The following SUZ12 variants were observed in gnomAD, a reference collection of about 807,000 sequenced individuals.
The protein encoded by SUZ12 is SUZ12 polycomb repressive complex 2 subunit.
A neutral mutation model predicts 87.3 loss-of-function variants in SUZ12; 17 were observed. The ratio of observed to expected loss-of-function variants is 0.19; its 90% confidence interval spans 0.13 to 0.29. SUZ12 has a LOEUF of 0.29. Among genes scored for constraint, SUZ12 ranks in the 10% least tolerant of loss-of-function variants. The pLI, the probability that SUZ12 is intolerant of heterozygous loss-of-function variation, is 1.00. For synonymous variants in SUZ12, 253 were observed against 312.4 expected (o/e 0.81, Z 2.01); for missense variants, 526 against 912.2 (o/e 0.58, Z 5.45).
chr17:31,972,406 A>C (rs1201826999), intron 5 of SUZ12, among the ~76,000 whole-genome samples: 1 of 143,178 alleles, frequency 7.0e-6, no homozygotes, highest in Non-Finnish European at 1.5e-5. Flanking sequence ...TATATATATA[A>C]ATAGAAATGT....
Position 31,975,646 on chromosome 17 carries a change from T to C in SUZ12, c.756T>C (p.Phe252=). ...SHMVKSYSLL[F]RVTRPGRREF... is the part of the protein sequence containing the mutation. Reference sequence around the variant, plus strand: ...TGGTGAAGTCTTACTCGTTGCTATTTAGAGTGACTCGTCCAGGAAGAAGAG... The same window carrying C: ...TGGTGAAGTCTTACTCGTTGCTATTCAGAGTGACTCGTCCAGGAAGAAGAG... The change falls in exon 7 of 16, where the codon TTT becomes TTC. Residue 252 remains phenylalanine (F), a synonymous_variant. Coordinates refer to ENST00000322652, the MANE Select transcript of SUZ12 (RefSeq NM_015355.4). 1 of 1,614,034 alleles carries C rather than the reference T, an allele frequency of 6.2e-7. No homozygotes were observed. The highest frequency in any genetic ancestry group is 8.5e-7 in the Non-Finnish European group (1 of 1,179,970).
intron 3 of SUZ12, among the ~76,000 whole-genome samples, chr17:31,943,418 T>C (rs1276221852): frequency 3.9e-5 from 6 of 152,232 alleles, no homozygotes; most frequent in African/African-American, 1.2e-4. Flanking sequence ...TTGATTAAAA[T>C]ACAACAATAT....
At chr17:31,937,582 A>T (rs551226721) in intron 1 of SUZ12, 62 bp downstream of exon 1, 8 of 1,521,286 alleles carry the variant, frequency 5.3e-6, no homozygotes, top group Admixed American at 2.0e-5. Flanking sequence ...GGGATGGGAC[A>T]CTCTGCTGGG....
chr17:31,957,967 A>G (rs1280026208), intron 4 of SUZ12, among the ~76,000 whole-genome samples: 1 of 142,176 alleles, frequency 7.0e-6, no homozygotes, highest in Non-Finnish European at 1.5e-5. Context: ...CAGTGGCGCA[A>G]TCTCCGCTCA....
Position 31,975,465 on chromosome 17 carries a change from A to T in SUZ12, c.592-17A>T. On this transcript the variant is annotated splice_polypyrimidine_tract_variant and intron_variant, in intron 6 of 15. Coordinates refer to ENST00000322652, the MANE Select transcript of SUZ12 (RefSeq NM_015355.4). The stretch of plus-strand genomic sequence containing the variant: ...TATATACAAATAAATATAAATTAAT[A>T]ATGTTTACCTTTGCAGGATGTAAGT... 6.6e-7 allele frequency: 1 copy of T among 1,522,302 alleles called. No homozygotes were observed. The highest frequency in any genetic ancestry group is 1.2e-5 in the South Asian group (1 of 80,438). 94.3% of individuals were successfully genotyped at this position (1,522,302 alleles called of 1,614,324 possible).
intron 4 of SUZ12, among the ~76,000 whole-genome samples, chr17:31,962,719 A>G (rs78101954): frequency 0.17 from 24,489 of 147,380 alleles, no homozygotes; most frequent in African/African-American, 0.31. Flanking sequence ...CTATAAATTC[A>G]ATTCTATTTC....
chr17:31,986,019 A>G (rs1343713199), intron 9 of SUZ12, among the ~76,000 whole-genome samples: 1 of 151,002 alleles, frequency 6.6e-6, no homozygotes, highest in Non-Finnish European at 1.5e-5. Flanking sequence ...CCAGAGGTGG[A>G]GTGCAATGGC....
intron 4 of SUZ12, among the ~76,000 whole-genome samples, chr17:31,965,012 A>G (rs1424750589): frequency 3.3e-5 from 5 of 149,388 alleles, no homozygotes; most frequent in Admixed American, 6.7e-5. Context: ...GTCCTGGTCA[A>G]ATTTACAGGG....
At chr17:31,981,025 CA>C (rs1036267583) in intron 8 of SUZ12, among the ~76,000 whole-genome samples, 111 of 134,992 alleles carry the variant, frequency 8.2e-4, no homozygotes, top group African/African-American at 2.0e-3. Context: ...CAGCGACTGT[CA>C]AAAAAAAAAA....
chr17:31,994,833 C>T, intron 13 of SUZ12, 112 bp downstream of exon 13: 3 of 1,178,604 alleles, frequency 2.5e-6, no homozygotes, highest in Non-Finnish European at 2.3e-6. Context: ...TATTATTTTT[C>T]AGTATTAGGT....
At chr17:31,998,263 T>C (rs936997259) in intron 15 of SUZ12, among the ~76,000 whole-genome samples, 3 of 152,072 alleles carry the variant, frequency 2.0e-5, no homozygotes, top group African/African-American at 7.2e-5. Context: ...GCATTTTTAG[T>C]AGAGACGGGG....
chr17:31,988,431 A>G lies in SUZ12; in HGVS notation c.1135A>G (p.Thr379Ala). Residue 379 changes from threonine to alanine, a missense_variant, in exon 10 of 16, where the codon ACT becomes GCT. By Grantham distance (58) the Thr-to-Ala change is moderately conservative. Around this residue, in one of 9 missense-constraint regions of SUZ12, gnomAD observed 85 missense variants for 87.4 expected, o/e 0.97. Transcript: ENST00000322652. ...STAPIAKPLA[T>A]RNSESLHQEN... ...GGCTCCTATTGCCAAACCTCTTGCCACTAGAAATTCAGAGAGTCTCCATCA... is the reference window on the plus strand; with the variant it reads ...GGCTCCTATTGCCAAACCTCTTGCCGCTAGAAATTCAGAGAGTCTCCATCA... 1 of 1,613,856 alleles carries G rather than the reference A, an allele frequency of 6.2e-7. No homozygotes were observed. Among genetic ancestry groups the G allele is most frequent in the Non-Finnish European group, 8.5e-7 (1 of 1,179,924 alleles).
chr17:31,965,633 G>A (rs1047725433), intron 4 of SUZ12: 1 of 152,230 alleles, frequency 6.6e-6, no homozygotes, highest in African/African-American at 2.4e-5. Flanking sequence ...TATTGGGAAG[G>A]TTGAATTTCC....
In SUZ12 at chr17:31,937,481, G is replaced by T; in HGVS notation, c.235G>T (p.Val79Phe). Residue 79 changes from valine to phenylalanine, a missense_variant, in exon 1 of 16, where the codon GTC becomes TTC. Physicochemically the swap from Val to Phe is conservative, Grantham distance 50. This residue lies in a region of SUZ12 where 18 missense variants were observed against 62.3 expected (regional missense o/e 0.29). Transcript: ENST00000322652. ...LPVKKPKMEH[V>F]QADHELFLQA... is the part of the protein sequence containing the mutation. Reference sequence around the variant, plus strand: ...GGTGAAGAAGCCGAAAATGGAGCACGTCCAGGCTGACCACGAGCTTTTCCT... The same window carrying T: ...GGTGAAGAAGCCGAAAATGGAGCACTTCCAGGCTGACCACGAGCTTTTCCT... The T allele has an allele frequency of 1.3e-6, 2 of 1,542,380 alleles. No homozygotes were observed. The highest frequency in any genetic ancestry group is 8.7e-7 in the Non-Finnish European group (1 of 1,146,222).
chr17:31,984,341 T>C lies in SUZ12; in HGVS notation c.1023+1237T>C, dbSNP rs113091490. On this transcript the variant is annotated intron_variant, in intron 9 of 15. Transcript: ENST00000322652. The stretch of plus-strand genomic sequence containing the variant: ...AATTGTGACAACTCTTCTCCAGTCA[T>C]CTGGAAATAATCTTAGACCTAATAC... Among the ~76,000 whole-genome samples the C allele has an allele frequency of 8.5e-3, 1,295 of 152,278 alleles. 17 individuals carry two copies. The highest frequency in any genetic ancestry group is 0.03 in the African/African-American group (1,239 of 41,554).
intron 14 of SUZ12, among the ~76,000 whole-genome samples, chr17:31,996,511 C>T (rs570838034): frequency 1.0e-3 from 154 of 152,138 alleles, no homozygotes; most frequent in African/African-American, 3.4e-3. Flanking sequence ...CCCAGCTACT[C>T]GGGAGGCTGA....
chr17:31,949,924 C>G (rs1357973357), intron 4 of SUZ12, among the ~76,000 whole-genome samples: 1 of 152,040 alleles, frequency 6.6e-6, no homozygotes, highest in East Asian at 1.9e-4. Flanking sequence ...CTCAAGTGAT[C>G]TGCCTGCCTT....
At chr17:31,947,086 A>G (rs562171864) in intron 3 of SUZ12, among the ~76,000 whole-genome samples, 4 of 152,254 alleles carry the variant, frequency 2.6e-5, no homozygotes, top group East Asian at 1.9e-4. Context: ...GTGCTAGTAC[A>G]TATTTGTTGT....
intron 4 of SUZ12, among the ~76,000 whole-genome samples, chr17:31,951,317 A>T (rs1378508346): frequency 1.3e-5 from 2 of 152,194 alleles, no homozygotes; most frequent in Non-Finnish European, 2.9e-5. Context: ...TGACATTTGT[A>T]GTAATTTATA....
Sources: gnomAD v4.1 joint callset for allele counts (sites outside exome capture counted in the v4.1 genomes callset) on GRCh38, gnomAD v4.1.1 for gene constraint, gnomAD v4.1.1 regional missense constraint, MANE v1.5 for transcripts, NCBI Gene and HGNC (gene_info 2026-07-23, HGNC 2026-07-21) for gene names.